The following GRIN2D variants were observed in gnomAD, a reference collection of about 807,000 sequenced individuals.
The protein encoded by GRIN2D is glutamate ionotropic receptor NMDA type subunit 2D.
In GRIN2D, 37 loss-of-function variants were observed where a neutral mutation model predicts 103.2. The observed-to-expected ratio is 0.36, with a 90% CI of 0.28 to 0.47. The LOEUF (loss-of-function observed/expected upper bound fraction) is 0.47. GRIN2D is among the 20% of genes least tolerant of loss of function. The probability of loss-of-function intolerance (pLI) is 1.00; values close to 1 mark genes in which losing one functional copy is unlikely to be tolerated. For missense variants in GRIN2D, 1,557 were observed against 1,910.6 expected (o/e 0.81, Z 3.45); for synonymous variants, 845 against 885.6 (o/e 0.95, Z 0.81).
intron 3 of GRIN2D, among the ~76,000 whole-genome samples, chr19:48,399,782 C>T (rs1400637549): frequency 6.9e-6 from 1 of 145,136 alleles, no homozygotes; most frequent in Non-Finnish European, 1.5e-5. Context: ...GAGAGGAGGA[C>T]GGGCAAGGGG....
At chr19:48,423,976 G>A (rs1971054498) in intron 11 of GRIN2D, among the ~76,000 whole-genome samples, 2 of 151,966 alleles carry the variant, frequency 1.3e-5, no homozygotes, top group Non-Finnish European at 2.9e-5. Flanking sequence ...GCACTACTAT[G>A]CCTGGCTAAT....
At chr19:48,410,296 G>A (rs1462479973) in intron 4 of GRIN2D, among the ~76,000 whole-genome samples, 3 of 150,478 alleles carry the variant, frequency 2.0e-5, no homozygotes, top group Admixed American at 6.6e-5. Flanking sequence ...TTGGGAGGCC[G>A]AGGCGGGCGG....
chr19:48,441,191 C>T (rs991656570), intron 11 of GRIN2D, among the ~76,000 whole-genome samples: 2 of 151,628 alleles, frequency 1.3e-5, no homozygotes, highest in Non-Finnish European at 2.9e-5. Context: ...GGTGGAACCC[C>T]GTCTCTACTA....
chr19:48,425,932 C>T (rs909383755), intron 11 of GRIN2D, among the ~76,000 whole-genome samples: 12 of 152,144 alleles, frequency 7.9e-5, no homozygotes, highest in Non-Finnish European at 1.0e-4. Context: ...AAAGCTTCCC[C>T]TGCCCCTCCA....
At chr19:48,419,112 C>T in intron 8 of GRIN2D, 122 bp from the exon 9 acceptor site, 2 of 752,198 alleles carry the variant, frequency 2.7e-6, no homozygotes, top group East Asian at 5.9e-5. Context: ...CTCCAGGCGT[C>T]AAGTGATCCT....
chr19:48,413,874 G>A, intron 4 of GRIN2D, 117 bp from the exon 5 acceptor site: 1 of 675,578 alleles, frequency 1.5e-6, no homozygotes, highest in African/African-American at 1.8e-5. Flanking sequence ...GGAGGTAAAA[G>A]AAGAGAGATT....
rs1388772536 is a variant in GRIN2D, at chr19:48,443,091, G to A, written c.3165G>A (p.Pro1055=). 2 of 1,025,858 alleles carry A rather than the reference G, an allele frequency of 1.9e-6. No homozygotes were observed. The highest frequency in any genetic ancestry group is 2.3e-6 in the Non-Finnish European group (2 of 854,780). 63.5% of individuals were successfully genotyped at this position (1,025,858 alleles called of 1,614,324 possible). The change falls in exon 14 of 14, where the codon CCG becomes CCA. Residue 1055 remains proline, a synonymous_variant. Transcript: ENST00000263269. This position sits in a 1 kb window ranked among gnomAD's most constrained non-coding sequence, Gnocchi z 8.9. ...GCTTGGCCTTCGAGGACGAGAGCCC[G>A]CCGGCGCCCGCGCGGTGGCCGCGCT... The part of the protein sequence containing the change: ...LCRLAFEDES[P]PAPARWPRSD...
intron 11 of GRIN2D, 73 bp downstream of exon 11, chr19:48,422,018 G>A: frequency 6.8e-7 from 1 of 1,476,960 alleles, no homozygotes; most frequent in Non-Finnish European, 9.3e-7. Context: ...ATGGCAAGGG[G>A]TCCAGGTTCA....
chr19:48,435,278 G>A (rs900106280), intron 11 of GRIN2D, among the ~76,000 whole-genome samples: 1 of 147,298 alleles, frequency 6.8e-6, no homozygotes, highest in African/African-American at 2.5e-5. Flanking sequence ...TACCCTTTAA[G>A]TGCCCATTCA....
chr19:48,442,073 G>A lies in GRIN2D; in HGVS notation c.2441-77G>A, dbSNP rs1188467804. Reference sequence around the variant, plus strand: ...GGGTCTGAGGGAGGAAGGGGCTAAGGGCCTACATTCCCACATCACAGACAA... The same window carrying A: ...GGGTCTGAGGGAGGAAGGGGCTAAGAGCCTACATTCCCACATCACAGACAA... On this transcript the variant is annotated intron_variant, in intron 12 of 13. Coordinates refer to ENST00000263269, the MANE Select transcript of GRIN2D (RefSeq NM_000836.4). The surrounding 1 kb of genome is among the most constrained non-coding windows in gnomAD (Gnocchi z 7.2). 2.0e-6 allele frequency: 3 copies of A among 1,519,652 alleles called. No homozygotes were observed. The highest frequency in any genetic ancestry group is 2.7e-6 in the Non-Finnish European group (3 of 1,105,796). 94.1% of individuals were successfully genotyped at this position (1,519,652 alleles called of 1,614,324 possible).
intron 3 of GRIN2D, among the ~76,000 whole-genome samples, chr19:48,400,185 G>A (rs373355569): frequency 2.0e-5 from 3 of 152,222 alleles, no homozygotes; most frequent in Non-Finnish European, 1.5e-5. Flanking sequence ...TGGTAGAGAA[G>A]GAGAGAATTG....
rs539083587 is a variant in GRIN2D at position 48,413,414 on chromosome 19, G to A, written c.1086-577G>A. On this transcript the variant is annotated intron_variant, in intron 4 of 13. Coordinates refer to ENST00000263269, the MANE Select transcript of GRIN2D (RefSeq NM_000836.4). ...AGGATTGCTTGAACCAGGAGGCGGA[G>A]GTTGCAGTGAGCGAAGATCATGCCA... Among the ~76,000 whole-genome samples, 6 of 152,044 alleles carry A rather than the reference G, an allele frequency of 3.9e-5. No individual in the cohort carries two copies. In the East Asian group the frequency reaches 1.2e-3, roughly 29 times the overall value.
Position 48,421,390 on chromosome 19 carries a change from T to C in GRIN2D, c.2092-395T>C, listed in dbSNP as rs959696793. On this transcript the variant is annotated intron_variant, in intron 10 of 13. Transcript: ENST00000263269. This position sits in a 1 kb window ranked among gnomAD's most constrained non-coding sequence, Gnocchi z 4.8. Reference sequence around the variant, plus strand: ...TTGCAGTGAGCTGACAGTGTGCCATTGCACTCCAGCCTGGGCAACAAGAGC... The same window carrying C: ...TTGCAGTGAGCTGACAGTGTGCCATCGCACTCCAGCCTGGGCAACAAGAGC... Among the ~76,000 whole-genome samples the C allele has an allele frequency of 2.0e-5, 3 of 151,550 alleles. No homozygotes were observed. Among genetic ancestry groups the C allele is most frequent in the Non-Finnish European group, 4.4e-5 (3 of 67,972 alleles).
chr19:48,412,485 G>A (rs867630317), intron 4 of GRIN2D, among the ~76,000 whole-genome samples: 4 of 148,916 alleles, frequency 2.7e-5, no homozygotes, highest in East Asian at 2.0e-4. Flanking sequence ...AAGAAAGAGA[G>A]AGAAAGAAAG....
intron 3 of GRIN2D, among the ~76,000 whole-genome samples, chr19:48,399,943 G>A (rs549043748): frequency 1.2e-4 from 18 of 152,168 alleles, no homozygotes; most frequent in African/African-American, 4.1e-4. Flanking sequence ...TAGGGAGGAA[G>A]CCGGTCCTGA....
At position 48,443,996 on chromosome 19, in the gene GRIN2D, G is replaced by T; in HGVS notation, c.*59G>T. ...AGCGCAGGCCACGGCCCGAGGGGGC[G>T]CCCGCAGTGGACAGGACCCGCGTGG... On this transcript the variant is annotated 3_prime_UTR_variant, in exon 14 of 14. Transcript: ENST00000263269. The surrounding 1 kb of genome is among the most constrained non-coding windows in gnomAD (Gnocchi z 8.9). 8.8e-7 allele frequency: 1 copy of T among 1,138,590 alleles called. No homozygotes were observed. Among genetic ancestry groups the T allele is most frequent in the Non-Finnish European group, 1.2e-6 (1 of 867,636 alleles). The allele number at this position is 1,138,590 out of a possible 1,614,324, so 70.5% of individuals were successfully genotyped here.
Position 48,443,583 on chromosome 19 carries a change from G to A in GRIN2D, c.3657G>A (p.Leu1219=), listed in dbSNP as rs534218101. The change falls in exon 14 of 14, where the codon CTG becomes CTA. Residue 1219 remains leucine, a synonymous_variant. Transcript: ENST00000263269. This position sits in a 1 kb window ranked among gnomAD's most constrained non-coding sequence, Gnocchi z 8.9. The part of the protein sequence containing the change: ...PPPPPWAAGP[L]PRRRARCGCP... ...CTCCACCCTGGGCCGCCGGGCCCCT[G>A]CCCCGACGCCGGGCCCGCTGCGGGT... is the stretch of plus-strand genomic sequence containing the variant. 0.011 allele frequency: 13,287 copies of A among 1,186,482 alleles called. 109 individuals carry two copies. The highest frequency in any genetic ancestry group is 0.016 in the South Asian group (436 of 26,492). The allele number at this position is 1,186,482 out of a possible 1,614,324, so 73.5% of individuals were successfully genotyped here. A position where few individuals can be genotyped will look rare whatever the true frequency, so the allele number is the denominator to read the frequency against.
In GRIN2D at chr19:48,443,781, C is replaced by A; in HGVS notation, c.3855C>A (p.Arg1285=). The A allele has an allele frequency of 6.9e-7, 1 of 1,449,162 alleles. No individual in the cohort carries two copies. The highest frequency in any genetic ancestry group is 9.0e-7 in the Non-Finnish European group (1 of 1,108,778). The allele number at this position is 1,449,162 out of a possible 1,614,324, so 89.8% of individuals were successfully genotyped here. A position where few individuals can be genotyped will look rare whatever the true frequency, so the allele number is the denominator to read the frequency against. ...CGTGCCCTCGCGCCGCCCCTGCGCGCAGGCTTACCGGGCCCTCCCGCCACG... is the reference window on the plus strand; with the variant it reads ...CGTGCCCTCGCGCCGCCCCTGCGCGAAGGCTTACCGGGCCCTCCCGCCACG... The part of the protein sequence containing the change: ...LSSCPRAAPA[R]RLTGPSRHAR... The change falls in exon 14 of 14, where the codon CGC becomes CGA. Residue 1285 remains arginine (R), a synonymous_variant. Transcript: ENST00000263269. The surrounding 1 kb of genome is among the most constrained non-coding windows in gnomAD (Gnocchi z 8.9).
In GRIN2D at chr19:48,419,366, C is replaced by A. The variant is rs1970987361; in HGVS notation, c.1861+7C>A. On this transcript the variant is annotated splice_region_variant and intron_variant, in intron 9 of 13. Transcript: ENST00000263269. The stretch of plus-strand genomic sequence containing the variant: ...AGCCTGGCCACGGGCAAGCGTGAGT[C>A]CCCCTTCCTCCATCCCCCGCCTCGG... 6.3e-7 allele frequency: 1 copy of A among 1,593,158 alleles called. No homozygotes were observed. The highest frequency in any genetic ancestry group is 1.4e-5 in the African/African-American group (1 of 73,390).
Sources: allele counts gnomAD v4.1 joint callset (sites outside exome capture counted in the v4.1 genomes callset), GRCh38; gene constraint gnomAD v4.1.1; non-coding constraint Gnocchi (gnomAD v3.1); transcripts MANE v1.5; gene names NCBI Gene and HGNC (gene_info 2026-07-23, HGNC 2026-07-21).